The following DACH2 variants were observed in gnomAD, a reference collection of about 807,000 sequenced individuals.
The protein encoded by DACH2 is dachshund homolog 2.
Under a neutral mutation model 35.8 loss-of-function variants are expected in DACH2, and 17 were observed. The ratio of observed to expected loss-of-function variants is 0.48; its 90% CI spans 0.33 to 0.71. The LOEUF (loss-of-function observed/expected upper bound fraction) is 0.71. Among genes scored for constraint, DACH2 ranks in the 30% least tolerant of loss-of-function variants. The pLI is 0.02. For missense variants in DACH2, 469 were observed against 472.7 expected, an observed-to-expected ratio of 0.99 and a Z score of 0.07; for synonymous variants, 195 against 177.3, an observed-to-expected ratio of 1.10 and a Z score of -0.79.
intron 1 of DACH2, among the ~76,000 whole-genome samples, chrX:86,330,879 A>G (rs1171332695): frequency 1.8e-5 from 2 of 111,966 alleles, no homozygotes; most frequent in East Asian, 5.6e-4. Context: ...GGCCATGACC[A>G]TGTGGATTTT....
At chrX:86,769,555 A>G (rs1476949351) in intron 7 of DACH2, among the ~76,000 whole-genome samples, 2 of 112,054 alleles carry the variant, frequency 1.8e-5, no homozygotes, top group African/African-American at 6.5e-5. Flanking sequence ...ACTAATTTTT[A>G]GAAAAGTGCT....
At chrX:86,550,721 A>G (rs1327393834) in intron 3 of DACH2, among the ~76,000 whole-genome samples, 1 of 111,314 alleles carries the variant, frequency 9.0e-6, no homozygotes, top group Non-Finnish European at 1.9e-5. Context: ...AAAGTGCCCT[A>G]TGCGAAGTTC....
chrX:86,653,537 A>G (rs2040502996), intron 4 of DACH2, among the ~76,000 whole-genome samples: 1 of 110,638 alleles, frequency 9.0e-6, no homozygotes, highest in African/African-American at 3.3e-5. Context: ...AACAATATTG[A>G]TTCTTCCTAT....
At chrX:86,494,535 A>T (rs2038139065) in intron 2 of DACH2, among the ~76,000 whole-genome samples, 3 of 112,959 alleles carry the variant, frequency 2.7e-5, no homozygotes. Context: ...GGATGTAAGA[A>T]ATGTCACATG....
intron 1 of DACH2, among the ~76,000 whole-genome samples, chrX:86,302,364 AT>A (rs1319093392): frequency 8.9e-6 from 1 of 111,833 alleles, no homozygotes; most frequent in East Asian, 2.8e-4. Context: ...AGTGGAAAAA[AT>A]GATTAGTTGG....
At chrX:86,217,598 G>A (rs768982010) in intron 1 of DACH2, among the ~76,000 whole-genome samples, 10 of 111,652 alleles carry the variant, frequency 9.0e-5, no homozygotes, top group Admixed American at 5.8e-4. Context: ...CATATAAAAT[G>A]CATACAGTGT....
chrX:86,605,002 T>G (rs950416895), intron 3 of DACH2, among the ~76,000 whole-genome samples: 1 of 111,590 alleles, frequency 9.0e-6, no homozygotes, highest in African/African-American at 3.3e-5. Context: ...CTAATTCATA[T>G]AATAACCTGA....
Position 86,339,836 on chromosome X carries a change from A to G in DACH2, c.489-36988A>G, listed in dbSNP as rs776046817. Among the ~76,000 whole-genome samples the G allele has an allele frequency of 5.4e-5, 6 of 112,085 alleles. No individual in the cohort carries two copies. In the East Asian group the frequency reaches 1.7e-3, roughly 31 times the overall value. ...GCTAATATGATGCATATCCACTATA[A>G]ATTCAACCCTTCATGAGGCTAAGTG... On this transcript the variant is annotated intron_variant, in intron 1 of 11. Transcript: ENST00000373125.
chrX:86,649,865 A>G (rs946059842), intron 3 of DACH2, among the ~76,000 whole-genome samples: 5 of 111,127 alleles, frequency 4.5e-5, no homozygotes, highest in South Asian at 3.8e-4. Flanking sequence ...TGAAAAACCA[A>G]TATTTGCCTT....
intron 11 of DACH2, among the ~76,000 whole-genome samples, chrX:86,825,865 G>A (rs1205111043): frequency 9.0e-6 from 1 of 111,715 alleles, no homozygotes; most frequent in African/African-American, 3.3e-5. Flanking sequence ...TTACTAACTC[G>A]CTAACTCAGT....
intron 7 of DACH2, among the ~76,000 whole-genome samples, chrX:86,771,479 G>T (rs1272485498): frequency 8.9e-6 from 1 of 112,190 alleles, no homozygotes; most frequent in African/African-American, 3.2e-5. Flanking sequence ...TGAAAGATGA[G>T]TTTGAAGTTA....
intron 1 of DACH2, among the ~76,000 whole-genome samples, chrX:86,369,122 A>C (rs1014088313): frequency 1.8e-5 from 2 of 111,112 alleles, no homozygotes; most frequent in Non-Finnish European, 3.8e-5. Flanking sequence ...CTGTAAAACT[A>C]TACAACAAGT....
chrX:86,598,176 A>C (rs2148355695), intron 3 of DACH2, among the ~76,000 whole-genome samples: 1 of 111,855 alleles, frequency 8.9e-6, no homozygotes, highest in Non-Finnish European at 1.9e-5. Flanking sequence ...TTGGGTGGGG[A>C]CACAGCCAAA....
chrX:86,291,338 G>A (rs2034288090), intron 1 of DACH2, among the ~76,000 whole-genome samples: 1 of 90,537 alleles, frequency 1.1e-5, no homozygotes, highest in Non-Finnish European at 2.1e-5. Context: ...AGACAATGGG[G>A]TTTTCTAGAT....
chrX:86,724,062 A>G (rs1247307987), intron 6 of DACH2, among the ~76,000 whole-genome samples: 1 of 111,111 alleles, frequency 9.0e-6, no homozygotes, highest in Non-Finnish European at 1.9e-5. Flanking sequence ...TTTTTAATGT[A>G]TTTCACCCAT....
intron 2 of DACH2, among the ~76,000 whole-genome samples, chrX:86,399,388 G>T (rs1209664684): frequency 9.0e-6 from 1 of 111,637 alleles, no homozygotes; most frequent in East Asian, 2.8e-4. Flanking sequence ...TACATTTAAG[G>T]TTAGTACTGT....
intron 2 of DACH2, among the ~76,000 whole-genome samples, chrX:86,454,452 T>A (rs1275202102): frequency 8.9e-6 from 1 of 112,326 alleles, no homozygotes; most frequent in Non-Finnish European, 1.9e-5. Context: ...AATCCCATGT[T>A]TCTCAAAGGT....
chrX:86,553,788 G>C (rs2039081053), intron 3 of DACH2, among the ~76,000 whole-genome samples: 2 of 111,744 alleles, frequency 1.8e-5, no homozygotes, highest in South Asian at 7.5e-4. Flanking sequence ...CCTACTTCCA[G>C]GTTACTGGGA....
In DACH2 at chrX:86,463,432, C is replaced by A. The variant is rs1055131237; in HGVS notation, c.528-50847C>A. 2.7e-5 allele frequency among the ~76,000 whole-genome samples: 3 copies of A among 110,505 alleles called. No homozygotes were observed. The South Asian group carries it at 1.2e-3, about 42-fold the overall frequency. On this transcript the variant is annotated intron_variant, in intron 2 of 11. Transcript: ENST00000373125. ...AAAAACAAGCAATGGGGAAAGGATT[C>A]CCTATTTAATAAATGGTGCTGGAAA...
Sources: gnomAD v4.1 joint callset for allele counts (sites outside exome capture counted in the v4.1 genomes callset) on GRCh38, gnomAD v4.1.1 for gene constraint, MANE v1.5 for transcripts, NCBI Gene and HGNC (gene_info 2026-07-23, HGNC 2026-07-21) for gene names.